Variants in CDC5L observed in about 807,000 individuals in gnomAD.
CDC5L encodes cell division cycle 5 like.
Under a neutral mutation model 104.1 loss-of-function variants are expected in CDC5L, and 18 were observed. That is an observed-to-expected ratio of 0.17 (90% CI 0.12 to 0.26). CDC5L has a LOEUF of 0.26. Ranked by LOEUF, CDC5L falls within the 10% of genes least tolerant of loss-of-function variation. The pLI is 1.00. For synonymous variants in CDC5L, 331 were observed against 322.7 expected (o/e 1.03, Z -0.28); for missense variants, 673 against 956.9 (o/e 0.70, Z 3.91).
intron 12 of CDC5L, 48 bp downstream of exon 12, chr6:44,426,231 A>G: frequency 2.3e-6 from 3 of 1,320,212 alleles, no homozygotes; most frequent in South Asian, 1.2e-5. Flanking sequence ...TTCTTTTTAT[A>G]TGATTGCTGC....
At chr6:44,444,632 A>T (rs1223629479) in intron 14 of CDC5L, among the ~76,000 whole-genome samples, 4 of 151,844 alleles carry the variant, frequency 2.6e-5, no homozygotes, top group Non-Finnish European at 5.9e-5. Flanking sequence ...TGGAGAGAAA[A>T]TGAGAGCTGC....
rs116058497 is a variant in CDC5L at position 44,411,598 on chromosome 6, C to T, written c.1092+2966C>T. ...AAAGCCCCTCTGTTTTTTGTAAATC[C>T]TGTGAGAGACAGAGAGAGAGAGAGA... is the stretch of plus-strand genomic sequence containing the variant. On this transcript the variant is annotated intron_variant, in intron 8 of 15. Coordinates refer to ENST00000371477, the MANE Select transcript of CDC5L (RefSeq NM_001253.4). Among the ~76,000 whole-genome samples the T allele has an allele frequency of 9.2e-3, 1,188 of 129,568 alleles. 21 individuals carry two copies. The highest frequency in any genetic ancestry group is 0.032 in the African/African-American group (1,135 of 35,786). 85.0% of individuals were successfully genotyped at this position (129,568 alleles called of 152,430 possible).
rs1174550320 is a variant in CDC5L, at chr6:44,448,962, A to G, written c.*2251A>G. The G allele has an allele frequency of 5.3e-5, 8 of 152,186 alleles. No homozygotes were observed. The highest frequency in any genetic ancestry group is 5.2e-4 in the Admixed American group (8 of 15,274). The allele number at this position is 152,186 out of a possible 1,614,324, so 9.4% of individuals were successfully genotyped here. A position where few individuals can be genotyped will look rare whatever the true frequency, so the allele number is the denominator to read the frequency against. The stretch of plus-strand genomic sequence containing the variant: ...TTAAAGCATTCATATAATTGTTCTC[A>G]TTTGATGTTTTGATGAGGTATATTA... On this transcript the variant is annotated 3_prime_UTR_variant, in exon 16 of 16. Transcript: ENST00000371477.
chr6:44,416,833 C>T (rs1451884778), intron 8 of CDC5L, among the ~76,000 whole-genome samples: 2 of 152,116 alleles, frequency 1.3e-5, no homozygotes, highest in Non-Finnish European at 2.9e-5. Context: ...TATACTTTTG[C>T]CATTTGATTC....
chr6:44,400,042 T>G (rs1791048269), intron 5 of CDC5L, among the ~76,000 whole-genome samples: 1 of 152,184 alleles, frequency 6.6e-6, no homozygotes, highest in Non-Finnish European at 1.5e-5. Context: ...TGCTTTTGAA[T>G]TTGAGAATTT....
intron 13 of CDC5L, 111 bp downstream of exon 13, chr6:44,426,835 A>G: frequency 9.6e-7 from 1 of 1,036,406 alleles, no homozygotes; most frequent in Non-Finnish European, 1.4e-6. Flanking sequence ...TAAACAACTG[A>G]AATGTATGAT....
chr6:44,388,008 C>A, intron 1 of CDC5L, 140 bp downstream of exon 1: 2 of 716,024 alleles, frequency 2.8e-6, no homozygotes, highest in Non-Finnish European at 4.6e-6. Context: ...CCTTGGGGCC[C>A]TTTCCGTGTG....
At chr6:44,446,381 GGTTT>G (rs1793455082) in intron 15 of CDC5L, among the ~76,000 whole-genome samples, 1 of 152,124 alleles carries the variant, frequency 6.6e-6, no homozygotes, top group South Asian at 2.1e-4. Flanking sequence ...AGACAGTAGT[GGTTT>G]GTTTATTTGA....
chr6:44,410,232 C>G (rs1378346749), intron 8 of CDC5L, among the ~76,000 whole-genome samples: 1 of 152,110 alleles, frequency 6.6e-6, no homozygotes, highest in Non-Finnish European at 1.5e-5. Context: ...GTTCCCTCAC[C>G]CCTCAGCCTC....
chr6:44,388,322 G>A (rs1790444900), intron 1 of CDC5L, among the ~76,000 whole-genome samples: 1 of 152,062 alleles, frequency 6.6e-6, no homozygotes, highest in Admixed American at 6.5e-5. Flanking sequence ...CTTGCAGAGG[G>A]GAAGCAGTTT....
intron 5 of CDC5L, among the ~76,000 whole-genome samples, chr6:44,403,330 T>TAA (rs76723196): frequency 4.2e-5 from 6 of 142,292 alleles, no homozygotes; most frequent in Admixed American, 7.0e-5. Context: ...TTGAGTGCAT[T>TAA]AAAAAAAAAA....
chr6:44,431,663 T>G (rs1792692995), intron 14 of CDC5L, among the ~76,000 whole-genome samples: 2 of 152,194 alleles, frequency 1.3e-5, no homozygotes, highest in Admixed American at 1.3e-4. Context: ...AGGTACTAAC[T>G]TTCATGACAG....
At chr6:44,436,121 A>G (rs1184601642) in intron 14 of CDC5L, among the ~76,000 whole-genome samples, 8 of 152,186 alleles carry the variant, frequency 5.3e-5, no homozygotes, top group East Asian at 1.9e-4. Flanking sequence ...TTGAGATAAT[A>G]TAAGATTAAA....
intron 1 of CDC5L, among the ~76,000 whole-genome samples, chr6:44,389,950 C>T (rs574304811): frequency 2.6e-5 from 4 of 152,258 alleles, no homozygotes; most frequent in Admixed American, 2.6e-4. Flanking sequence ...GACAGCCACA[C>T]GTTGAAGAAT....
At chr6:44,441,925 T>G (rs1581663185) in intron 14 of CDC5L, among the ~76,000 whole-genome samples, 1 of 145,068 alleles carries the variant, frequency 6.9e-6, no homozygotes, top group African/African-American at 2.6e-5. Context: ...CTTTGTAAGG[T>G]CTTGTTCTTT....
intron 12 of CDC5L, 86 bp downstream of exon 12, chr6:44,426,269 AAC>A: frequency 1.0e-6 from 1 of 1,000,226 alleles, no homozygotes; most frequent in Non-Finnish European, 1.5e-6. Context: ...AAGACTATAA[AAC>A]AAAATTTCAT....
intron 14 of CDC5L, among the ~76,000 whole-genome samples, chr6:44,431,268 T>G (rs1215279791): frequency 1.3e-5 from 2 of 152,334 alleles, no homozygotes; most frequent in Admixed American, 6.5e-5. Flanking sequence ...GGTAAAATCT[T>G]AGTTCAGTGC....
intron 5 of CDC5L, among the ~76,000 whole-genome samples, chr6:44,398,879 T>C (rs1426643923): frequency 1.3e-5 from 2 of 152,264 alleles, no homozygotes; most frequent in Non-Finnish European, 2.9e-5. Context: ...TGGATCATAC[T>C]GTACGGTTTT....
At chr6:44,406,684 A>T (rs947534613) in intron 7 of CDC5L, among the ~76,000 whole-genome samples, 2 of 152,190 alleles carry the variant, frequency 1.3e-5, no homozygotes, top group Admixed American at 6.5e-5. Flanking sequence ...GGACGGGCGG[A>T]TCACCTGAGG....
Sources: allele counts gnomAD v4.1 joint callset (sites outside exome capture counted in the v4.1 genomes callset), GRCh38; gene constraint gnomAD v4.1.1; transcripts MANE v1.5; gene names NCBI Gene and HGNC (gene_info 2026-07-23, HGNC 2026-07-21).